The following MAML3 variants were observed in gnomAD, a reference collection of about 807,000 sequenced individuals.
MAML3 encodes the protein mastermind-like protein 3.
MAML3 carries 27 observed loss-of-function variants against 101.9 expected under a neutral mutation model. The observed-to-expected ratio is 0.27, with a 90% CI of 0.20 to 0.37. MAML3 has a LOEUF of 0.37. Ranked by LOEUF, MAML3 falls within the 10% of genes least tolerant of loss-of-function variation. The probability of loss-of-function intolerance (pLI) is 1.00; values close to 1 mark genes in which losing one functional copy is unlikely to be tolerated. For missense variants in MAML3, 1,316 were observed against 1,444.9 expected, an observed-to-expected ratio of 0.91 and a Z score of 1.45; for synonymous variants, 501 against 555.9, an observed-to-expected ratio of 0.90 and a Z score of 1.39.
At chr4:139,835,252 C>T (rs1351011353) in intron 2 of MAML3, among the ~76,000 whole-genome samples, 2 of 152,254 alleles carry the variant, frequency 1.3e-5, no homozygotes, top group Admixed American at 1.3e-4. Flanking sequence ...TGGTTGCATG[C>T]ATGTTTATAC....
intron 1 of MAML3, among the ~76,000 whole-genome samples, chr4:140,076,615 C>T (rs1360241561): frequency 6.6e-6 from 1 of 152,184 alleles, no homozygotes; most frequent in Admixed American, 6.5e-5. Flanking sequence ...TTGAGGCTTC[C>T]AGAAAGTGCC....
intron 2 of MAML3, among the ~76,000 whole-genome samples, chr4:139,800,070 T>C (rs1448614846): frequency 6.6e-6 from 1 of 152,132 alleles, no homozygotes; most frequent in East Asian, 1.9e-4. Context: ...TATATAAATA[T>C]ATTATTAAAT....
chr4:139,904,537 A>T (rs1166239246), intron 1 of MAML3, among the ~76,000 whole-genome samples: 1 of 152,222 alleles, frequency 6.6e-6, no homozygotes, highest in Non-Finnish European at 1.5e-5. Flanking sequence ...GTGGGAGCAC[A>T]AAGCACCACA....
chr4:139,856,358 G>C (rs1342710179), intron 2 of MAML3, among the ~76,000 whole-genome samples: 2 of 152,162 alleles, frequency 1.3e-5, no homozygotes, highest in African/African-American at 4.8e-5. Context: ...CTCAGGAGAG[G>C]GATCCTCCTG....
chr4:140,000,356 C>G (rs1036633394), intron 1 of MAML3, among the ~76,000 whole-genome samples: 11 of 151,988 alleles, frequency 7.2e-5, no homozygotes, highest in African/African-American at 2.7e-4. Context: ...CAACACAGCA[C>G]TTCCTATGGC....
chr4:140,018,054 G>A (rs747956865), intron 1 of MAML3, among the ~76,000 whole-genome samples: 18 of 152,120 alleles, frequency 1.2e-4, no homozygotes, highest in Non-Finnish European at 2.2e-4. Flanking sequence ...ATTAGTGCTA[G>A]TTAGGGTGGG....
intron 2 of MAML3, among the ~76,000 whole-genome samples, chr4:139,825,132 G>A (rs1731040103): frequency 1.3e-5 from 2 of 151,934 alleles, no homozygotes; most frequent in South Asian, 4.1e-4. Context: ...TGGGGTAGAA[G>A]ACAGTGGCTT....
chr4:139,951,096 T>C (rs1733824391), intron 1 of MAML3, among the ~76,000 whole-genome samples: 2 of 152,080 alleles, frequency 1.3e-5, no homozygotes, highest in African/African-American at 4.8e-5. Context: ...TAACAAAAGA[T>C]CTCAACAAGC....
intron 2 of MAML3, among the ~76,000 whole-genome samples, chr4:139,741,995 C>T (rs1480546923): frequency 1.3e-5 from 2 of 152,018 alleles, no homozygotes; most frequent in Non-Finnish European, 2.9e-5. Context: ...GACACACGGG[C>T]ATAAAAATAA....
intron 1 of MAML3, among the ~76,000 whole-genome samples, chr4:140,000,374 A>G (rs1734900274): frequency 6.6e-6 from 1 of 152,130 alleles, no homozygotes. Context: ...GGCATGATTC[A>G]ACCTGGGAAT....
At position 139,755,753 on chromosome 4, in the gene MAML3, G is replaced by C. The variant is rs140271361; in HGVS notation, c.2080-25086C>G. Among the ~76,000 whole-genome samples the C allele has an allele frequency of 5.9e-3, 895 of 152,326 alleles. 10 individuals carry two copies. The highest frequency in any genetic ancestry group is 0.02 in the African/African-American group (844 of 41,572). ...GCAGTCTGTTGAAGAAACTACAACAGGCCAGGAAGTGCCTGAAGAGTGTAG... is the reference window on the plus strand; with the variant it reads ...GCAGTCTGTTGAAGAAACTACAACACGCCAGGAAGTGCCTGAAGAGTGTAG... On this transcript the variant is annotated intron_variant, in intron 2 of 4. Transcript: ENST00000509479.
intron 1 of MAML3, among the ~76,000 whole-genome samples, chr4:139,943,864 C>T (rs1444919517): frequency 1.1e-3 from 73 of 65,846 alleles, no homozygotes; most frequent in African/African-American, 1.2e-3. Flanking sequence ...CTAAAGACAA[C>T]TTTTTTTTTT....
At chr4:140,093,063 C>T (rs1043197256) in intron 1 of MAML3, among the ~76,000 whole-genome samples, 1 of 152,148 alleles carries the variant, frequency 6.6e-6, no homozygotes, top group African/African-American at 2.4e-5. Flanking sequence ...TTATAGGTCT[C>T]GCTGCTCTTT....
At chr4:139,919,437 T>A (rs1190326800) in intron 1 of MAML3, among the ~76,000 whole-genome samples, 1 of 152,350 alleles carries the variant, frequency 6.6e-6, no homozygotes, top group East Asian at 1.9e-4. Flanking sequence ...TCTCTTCAAA[T>A]GGGCAATTTG....
At chr4:139,801,213 C>T (rs997803793) in intron 2 of MAML3, among the ~76,000 whole-genome samples, 5 of 152,138 alleles carry the variant, frequency 3.3e-5, no homozygotes, top group African/African-American at 4.8e-5. Context: ...TGACATGGCC[C>T]CCAAAAAGGG....
At chr4:139,897,689 G>A (rs891651578) in intron 1 of MAML3, among the ~76,000 whole-genome samples, 1 of 152,144 alleles carries the variant, frequency 6.6e-6, no homozygotes, top group Admixed American at 6.5e-5. Context: ...TCTGCATCGT[G>A]GCTGTGGTTT....
intron 2 of MAML3, among the ~76,000 whole-genome samples, chr4:139,739,009 T>G (rs1440116531): frequency 6.6e-6 from 1 of 152,182 alleles, no homozygotes; most frequent in Non-Finnish European, 1.5e-5. Context: ...ATGGCATCCT[T>G]CCTGGCAAGG....
intron 1 of MAML3, among the ~76,000 whole-genome samples, chr4:139,998,980 C>T (rs1199985893): frequency 6.6e-6 from 1 of 152,170 alleles, no homozygotes; most frequent in Admixed American, 6.5e-5. Context: ...GCTGATGGAT[C>T]TATCTGCGGG....
At chr4:139,831,317 C>G (rs1018288685) in intron 2 of MAML3, among the ~76,000 whole-genome samples, 5 of 151,942 alleles carry the variant, frequency 3.3e-5, no homozygotes, top group African/African-American at 1.2e-4. Flanking sequence ...AAATGAAGAC[C>G]CTTGGATCTT....
Sources: gnomAD v4.1 joint callset for allele counts (sites outside exome capture counted in the v4.1 genomes callset) on GRCh38, gnomAD v4.1.1 for gene constraint, MANE v1.5 for transcripts, NCBI Gene and HGNC (gene_info 2026-07-23, HGNC 2026-07-21) for gene names.